Variants in ARHGEF12 observed in about 807,000 individuals in gnomAD.
The protein encoded by ARHGEF12 is KMT2A/ARHGEF12 fusion protein.
ARHGEF12 carries 66 observed loss-of-function variants against 211.2 expected under a neutral mutation model. The ratio of observed to expected loss-of-function variants is 0.31; its 90% CI spans 0.26 to 0.38. ARHGEF12 has a LOEUF of 0.38. Ranked by LOEUF, ARHGEF12 falls within the 10% of genes least tolerant of loss-of-function variation. The probability of loss-of-function intolerance (pLI) is 1.00; values close to 1 mark genes in which losing one functional copy is unlikely to be tolerated. For missense variants in ARHGEF12, 1,429 were observed against 1,869.5 expected (o/e 0.76, Z 4.34); for synonymous variants, 592 against 638.4 (o/e 0.93, Z 1.09).
At chr11:120,342,020 T>C (rs1052141579) in intron 1 of ARHGEF12, among the ~76,000 whole-genome samples, 7 of 152,220 alleles carry the variant, frequency 4.6e-5, no homozygotes, top group African/African-American at 1.4e-4. Flanking sequence ...CACTTTAAGC[T>C]AATTCATACA....
rs774137248 is a variant in ARHGEF12, at chr11:120,485,032, T to A, written c.4625-35T>A. 1.0e-5 allele frequency: 16 copies of A among 1,606,204 alleles called. 1 individual carries two copies. In the South Asian group the frequency reaches 1.8e-4, roughly 18 times the overall value. On this transcript the variant is annotated intron_variant, in intron 40 of 40. Coordinates refer to ENST00000397843, the MANE Select transcript of ARHGEF12 (RefSeq NM_015313.3). The stretch of plus-strand genomic sequence containing the variant: ...TTGCAATGTTAGTATATTCTTTTTC[T>A]TAATATCATTTCCATGTATCTTTAT...
intron 7 of ARHGEF12, 36 bp from the exon 8 acceptor site, chr11:120,428,033 C>A: frequency 6.8e-7 from 1 of 1,476,130 alleles, no homozygotes; most frequent in Non-Finnish European, 9.0e-7. Context: ...ATGTTATTTT[C>A]CCTTCCCTTC....
intron 31 of ARHGEF12, among the ~76,000 whole-genome samples, chr11:120,473,746 C>T (rs946744016): frequency 1.3e-5 from 2 of 152,196 alleles, no homozygotes; most frequent in Non-Finnish European, 2.9e-5. Context: ...CTTTCCAGAT[C>T]ATTTAATAAC....
intron 1 of ARHGEF12, among the ~76,000 whole-genome samples, chr11:120,358,642 A>T (rs757409448): frequency 2.4e-4 from 37 of 152,214 alleles, no homozygotes; most frequent in Non-Finnish European, 4.3e-4. Flanking sequence ...ATTAAATAAA[A>T]TTGAAAATTC....
At chr11:120,354,540 A>T (rs988478459) in intron 1 of ARHGEF12, among the ~76,000 whole-genome samples, 1 of 152,222 alleles carries the variant, frequency 6.6e-6, no homozygotes, top group Non-Finnish European at 1.5e-5. Flanking sequence ...GAATCAGTTT[A>T]GTCACTTTTT....
At chr11:120,419,614 GTATA>G (rs1945124327) in intron 4 of ARHGEF12, among the ~76,000 whole-genome samples, 1 of 151,242 alleles carries the variant, frequency 6.6e-6, no homozygotes, top group Admixed American at 6.6e-5. Flanking sequence ...AAATAGATAT[GTATA>G]TACACTGTGT....
At chr11:120,441,605 G>A in intron 13 of ARHGEF12, 102 bp from the exon 14 acceptor site, 1 of 804,016 alleles carries the variant, frequency 1.2e-6, no homozygotes, top group Non-Finnish European at 1.9e-6. Context: ...TTTTTTATAG[G>A]GAGATCAAAG....
At chr11:120,418,334 C>T (rs1244233205) in intron 4 of ARHGEF12, among the ~76,000 whole-genome samples, 2 of 152,136 alleles carry the variant, frequency 1.3e-5, no homozygotes, top group Non-Finnish European at 2.9e-5. Flanking sequence ...TTCTTACATA[C>T]TGGTTTCTTT....
chr11:120,395,056 CAAAAAAAAAAA>C (rs758953056), intron 1 of ARHGEF12, among the ~76,000 whole-genome samples: 3 of 34,612 alleles, frequency 8.7e-5, no homozygotes, highest in Admixed American at 2.9e-4. Context: ...GACTCTATCT[CAAAAAAAAAAA>C]AAAAAAAAAA....
intron 1 of ARHGEF12, among the ~76,000 whole-genome samples, chr11:120,365,222 T>C (rs1311219614): frequency 1.3e-5 from 2 of 152,236 alleles, no homozygotes; most frequent in Non-Finnish European, 2.9e-5. Context: ...GAGACACTTT[T>C]GTTTTTAAGT....
At chr11:120,418,891 A>T (rs1246352785) in intron 4 of ARHGEF12, among the ~76,000 whole-genome samples, 1 of 152,108 alleles carries the variant, frequency 6.6e-6, no homozygotes, top group East Asian at 1.9e-4. Flanking sequence ...GGAGAGTTGC[A>T]TATAATCTGG....
chr11:120,356,034 A>G (rs1158687779), intron 1 of ARHGEF12, among the ~76,000 whole-genome samples: 1 of 152,236 alleles, frequency 6.6e-6, no homozygotes, highest in Admixed American at 6.5e-5. Context: ...TTATGGAAAA[A>G]TGGCCTAATC....
At chr11:120,420,888 A>G in intron 5 of ARHGEF12, 37 bp downstream of exon 5, 1 of 1,548,756 alleles carries the variant, frequency 6.5e-7, no homozygotes, top group Non-Finnish European at 8.9e-7. Flanking sequence ...CACTCAGTAA[A>G]CAGAGTAAGA....
chr11:120,476,677 C>T lies in ARHGEF12; in HGVS notation c.3294C>T (p.Phe1098=), dbSNP rs754464795. Residue 1098 remains phenylalanine, a synonymous_variant, in exon 34 of 41, where the codon TTC becomes TTT. Coordinates refer to ENST00000397843, the MANE Select transcript of ARHGEF12 (RefSeq NM_015313.3). The part of the protein sequence containing the change: ...RQVATDNKAL[F]VISMSDNGAQ... Reference sequence around the variant, plus strand: ...TTTTTCCAGATAACAAAGCTTTATTCGTCATTTCCATGTCAGACAATGGCG... The same window carrying T: ...TTTTTCCAGATAACAAAGCTTTATTTGTCATTTCCATGTCAGACAATGGCG... The T allele has an allele frequency of 1.2e-6, 2 of 1,612,356 alleles. No homozygotes were observed. The highest frequency in any genetic ancestry group is 1.1e-5 in the South Asian group (1 of 90,696).
intron 1 of ARHGEF12, among the ~76,000 whole-genome samples, chr11:120,384,648 C>T (rs564002259): frequency 6.6e-6 from 1 of 152,284 alleles, no homozygotes; most frequent in African/African-American, 2.4e-5. Flanking sequence ...GAATGCCAGA[C>T]ATAATGCCTA....
At chr11:120,448,593 C>G (rs976543635) in intron 20 of ARHGEF12, 1 of 492,042 alleles carries the variant, frequency 2.0e-6, no homozygotes, top group East Asian at 3.5e-5. Flanking sequence ...ATTTCTGATT[C>G]TGTTCATGCC....
At chr11:120,482,138 G>A (rs1947263644) in intron 39 of ARHGEF12, among the ~76,000 whole-genome samples, 1 of 152,196 alleles carries the variant, frequency 6.6e-6, no homozygotes, top group African/African-American at 2.4e-5. Flanking sequence ...GGGTGTCTAA[G>A]TTTAAGAACC....
intron 33 of ARHGEF12, 103 bp from the exon 34 acceptor site, chr11:120,476,558 C>A (rs1053796033): frequency 4.6e-6 from 3 of 654,558 alleles, no homozygotes; most frequent in South Asian, 3.2e-5. Flanking sequence ...ATATATGTAA[C>A]CTTTATCTAG....
rs921623825 is a variant in ARHGEF12 at position 120,482,050 on chromosome 11, C to T, written c.4554+474C>T. Among the ~76,000 whole-genome samples, 10 of 152,132 alleles carry T rather than the reference C, an allele frequency of 6.6e-5. 1 individual carries two copies. Among genetic ancestry groups the T allele is most frequent in the South Asian group, 6.2e-4 (3 of 4,822 alleles). On this transcript the variant is annotated intron_variant, in intron 39 of 40. Coordinates refer to ENST00000397843, the MANE Select transcript of ARHGEF12 (RefSeq NM_015313.3). The stretch of plus-strand genomic sequence containing the variant: ...CTGGGATTACAGGCGTGAGCCACCG[C>T]GCCCAGTCGGCATTGTTTATCTTTT...
Sources: gnomAD v4.1 joint callset for allele counts (sites outside exome capture counted in the v4.1 genomes callset) on GRCh38, gnomAD v4.1.1 for gene constraint, MANE v1.5 for transcripts, NCBI Gene and HGNC (gene_info 2026-07-23, HGNC 2026-07-21) for gene names.